The following XPO4 variants were observed in gnomAD, a reference collection of about 807,000 sequenced individuals.
The protein encoded by XPO4 is exportin 4, also known as exportin-4.
A neutral mutation model predicts 143.0 loss-of-function variants in XPO4; 39 were observed. The observed-to-expected ratio is 0.27, with a 90% CI of 0.21 to 0.36. XPO4 has a LOEUF of 0.36. Among genes scored for constraint, XPO4 ranks in the 10% least tolerant of loss-of-function variants. The probability of loss-of-function intolerance (pLI) is 1.00; values close to 1 mark genes in which losing one functional copy is unlikely to be tolerated. For synonymous variants in XPO4, 439 were observed against 474.0 expected, an observed-to-expected ratio of 0.93 and a Z score of 0.96; for missense variants, 907 against 1,348.0, an observed-to-expected ratio of 0.67 and a Z score of 5.12.
rs879697298 is a variant in XPO4, at chr13:20,778,141, T to A, written c.*5581A>T. ...ATGTCTTTTAAAAAACAGTTATAGA[T>A]GTGTATTTATTTGGGACCTTTGAAA... On this transcript the variant is annotated 3_prime_UTR_variant, in exon 23 of 23. Coordinates refer to ENST00000255305, the MANE Select transcript of XPO4 (RefSeq NM_022459.5). 2.6e-5 allele frequency: 4 copies of A among 152,202 alleles called. No individual in the cohort carries two copies. The highest frequency in any genetic ancestry group is 4.8e-5 in the African/African-American group (2 of 41,456). The allele number at this position is 152,202 out of a possible 1,614,324, so 9.4% of individuals were successfully genotyped here.
intron 8 of XPO4, 56 bp from the exon 9 acceptor site, chr13:20,821,934 A>G: frequency 2.0e-6 from 3 of 1,499,166 alleles, no homozygotes; most frequent in South Asian, 2.7e-5. Context: ...TTATTAATAT[A>G]ATAACTCATT....
At chr13:20,865,898 A>G (rs957082016) in intron 2 of XPO4, among the ~76,000 whole-genome samples, 1 of 152,216 alleles carries the variant, frequency 6.6e-6, no homozygotes, top group African/African-American at 2.4e-5. Flanking sequence ...ACTACTAAGG[A>G]AACAATTTTC....
intron 8 of XPO4, 29 bp from the exon 9 acceptor site, chr13:20,821,907 T>C (rs372970562): frequency 9.5e-6 from 15 of 1,572,856 alleles, no homozygotes; most frequent in Admixed American, 1.9e-5. Context: ...TATTATTAAG[T>C]GGCAGTAAAA....
intron 18 of XPO4, 88 bp from the exon 19 acceptor site, chr13:20,790,668 C>T (rs1402357236): frequency 1.0e-6 from 1 of 989,094 alleles, no homozygotes; most frequent in East Asian, 2.6e-5. Flanking sequence ...ATAAACTCAC[C>T]CCTAGAGGCT....
intron 4 of XPO4, among the ~76,000 whole-genome samples, chr13:20,853,414 G>A (rs1256546315): frequency 6.6e-6 from 1 of 151,724 alleles, no homozygotes; most frequent in Non-Finnish European, 1.5e-5. Context: ...AGGCTGAGGT[G>A]GGAGGTGGGA....
chr13:20,902,587 G>A (rs890627281), intron 1 of XPO4, 83 bp downstream of exon 1: 3 of 1,420,494 alleles, frequency 2.1e-6, no homozygotes, highest in Middle Eastern at 3.8e-4. Context: ...CCAGTCGCCA[G>A]CCCAGCGAGC....
At chr13:20,869,974 T>C (rs1416845252) in intron 1 of XPO4, among the ~76,000 whole-genome samples, 1 of 150,294 alleles carries the variant, frequency 6.7e-6, no homozygotes, top group Non-Finnish European at 1.5e-5. Flanking sequence ...GGTGTGGTGG[T>C]GCACACCTCC....
chr13:20,862,486 T>A (rs547640607), intron 3 of XPO4, among the ~76,000 whole-genome samples: 3 of 152,042 alleles, frequency 2.0e-5, no homozygotes, highest in African/African-American at 7.2e-5. Context: ...GCTTTTTAAA[T>A]TTTTTTTCTT....
chr13:20,788,620 A>G lies in XPO4; in HGVS notation c.2917-4T>C, dbSNP rs1437242624. 2 of 1,584,854 alleles carry G rather than the reference A, an allele frequency of 1.3e-6. No individual in the cohort carries two copies. The highest frequency in any genetic ancestry group is 1.4e-5 in the African/African-American group (1 of 73,532). Reference sequence around the variant, plus strand: ...ACTGATTACAAAGGGTTGGAAACTGAAAAAGAAATATTCAATTATTTGGAT... The same window carrying G: ...ACTGATTACAAAGGGTTGGAAACTGGAAAAGAAATATTCAATTATTTGGAT... On this transcript the variant is annotated splice_polypyrimidine_tract_variant and splice_region_variant and intron_variant, in intron 19 of 22. Transcript: ENST00000255305.
chr13:20,819,787 A>C (rs1400156952), intron 9 of XPO4, among the ~76,000 whole-genome samples: 1 of 152,248 alleles, frequency 6.6e-6, no homozygotes, highest in Non-Finnish European at 1.5e-5. Context: ...CAGAGGTCCA[A>C]TTTGGTTTGG....
At chr13:20,807,745 T>G in intron 12 of XPO4, 111 bp from the exon 13 acceptor site, 1 of 853,426 alleles carries the variant, frequency 1.2e-6, no homozygotes, top group Non-Finnish European at 1.6e-6. Flanking sequence ...TGATGTAAAT[T>G]ATAAATGTTA....
At chr13:20,796,282 T>TA (rs1311609327) in intron 17 of XPO4, 26 bp from the exon 18 acceptor site, 11 of 1,534,544 alleles carry the variant, frequency 7.2e-6, no homozygotes, top group Non-Finnish European at 9.6e-6. Flanking sequence ...ATGCACAAAT[T>TA]ATGCTACTTG....
At chr13:20,787,151 T>G in intron 21 of XPO4, 94 bp from the exon 22 acceptor site, 1 of 1,056,982 alleles carries the variant, frequency 9.5e-7, no homozygotes, top group East Asian at 2.6e-5. Flanking sequence ...GAGGGTTGGT[T>G]GTTATTCTAT....
intron 6 of XPO4, among the ~76,000 whole-genome samples, chr13:20,830,129 G>GT (rs2059834401): frequency 6.6e-6 from 1 of 152,208 alleles, no homozygotes; most frequent in South Asian, 2.1e-4. Context: ...ATCATGGTCT[G>GT]TTTTTCAGCA....
chr13:20,828,738 G>C (rs1007064615), intron 6 of XPO4, among the ~76,000 whole-genome samples: 1 of 152,146 alleles, frequency 6.6e-6, no homozygotes, highest in African/African-American at 2.4e-5. Flanking sequence ...CAGGGAAAGA[G>C]GTGAAGGCCA....
In XPO4 at chr13:20,852,166, G is replaced by A. The variant is rs918041442; in HGVS notation, c.456+3461C>T. ...ATGATCACCAAACTAACAAGGGAAA[G>A]GCATTAGTCATAAATAGATAGATCT... On this transcript the variant is annotated intron_variant, in intron 4 of 22. Coordinates refer to ENST00000255305, the MANE Select transcript of XPO4 (RefSeq NM_022459.5). 5.1e-6 allele frequency: 5 copies of A among 985,316 alleles called. No individual in the cohort carries two copies. In the African/African-American group the frequency reaches 8.7e-5, roughly 17 times the overall value. The allele number at this position is 985,316 out of a possible 1,614,324, so 61.0% of individuals were successfully genotyped here. A position where few individuals can be genotyped will look rare whatever the true frequency, so the allele number is the denominator to read the frequency against.
chr13:20,863,694 A>T (rs1263784453), intron 2 of XPO4, among the ~76,000 whole-genome samples: 2 of 152,204 alleles, frequency 1.3e-5, no homozygotes, highest in Non-Finnish European at 2.9e-5. Context: ...AAAAAGCAGA[A>T]ATTTTCTGAG....
At chr13:20,844,873 T>C (rs1389043369) in intron 4 of XPO4, among the ~76,000 whole-genome samples, 2 of 152,228 alleles carry the variant, frequency 1.3e-5, no homozygotes, top group African/African-American at 4.8e-5. Flanking sequence ...AATTTTTCTT[T>C]AAAAAATGTA....
rs1339829043 is a variant in XPO4, at chr13:20,797,770, T to C, written c.2323-713A>G. Reference sequence around the variant, plus strand: ...CCTTGATTTAAAGCCTATTAAATAATGTGCCCATGGTTGTTGTTATGGGTC... The same window carrying C: ...CCTTGATTTAAAGCCTATTAAATAACGTGCCCATGGTTGTTGTTATGGGTC... On this transcript the variant is annotated intron_variant, in intron 16 of 22. Coordinates refer to ENST00000255305, the MANE Select transcript of XPO4 (RefSeq NM_022459.5). 2.0e-5 allele frequency among the ~76,000 whole-genome samples: 3 copies of C among 152,298 alleles called. No homozygotes were observed. The East Asian group carries it at 5.8e-4, about 29-fold the overall frequency.
Sources: allele counts gnomAD v4.1 joint callset (sites outside exome capture counted in the v4.1 genomes callset), GRCh38; gene constraint gnomAD v4.1.1; transcripts MANE v1.5; gene names NCBI Gene and HGNC (gene_info 2026-07-23, HGNC 2026-07-21).